The following NCK2 variants were observed in gnomAD, a reference collection of about 807,000 sequenced individuals.
The protein encoded by NCK2 is cytoplasmic protein NCK2.
A neutral mutation model predicts 33.9 loss-of-function variants in NCK2; 16 were observed. The ratio of observed to expected loss-of-function variants is 0.47; its 90% CI spans 0.32 to 0.72. NCK2 has a LOEUF of 0.72. NCK2 is among the 30% of genes least tolerant of loss of function. The probability of loss-of-function intolerance (pLI) is 0.03; values close to 1 mark genes in which losing one functional copy is unlikely to be tolerated. For synonymous variants in NCK2, 273 were observed against 239.9 expected, an observed-to-expected ratio of 1.14 and a Z score of -1.27; for missense variants, 418 against 537.3, an observed-to-expected ratio of 0.78 and a Z score of 2.19.
chr2:105,871,246 G>A (rs758392083), intron 3 of NCK2, among the ~76,000 whole-genome samples: 45 of 151,946 alleles, frequency 3.0e-4, no homozygotes, highest in Non-Finnish European at 4.0e-4. Flanking sequence ...GAGGAGGATG[G>A]TGAGCTGAGC....
rs1054206077 is a variant in NCK2, at chr2:105,744,913, G to C, written c.-426G>C. The C allele has an allele frequency of 6.9e-6, 1 of 145,598 alleles. No individual in the cohort carries two copies. The highest frequency in any genetic ancestry group is 2.5e-5 in the African/African-American group (1 of 40,676). 9.0% of individuals were successfully genotyped at this position (145,598 alleles called of 1,614,324 possible). ...GCCGCCGCTGCCGCGGGGATCGTCA[G>C]GCCGGAGCCGCGCGGCCGAGCGGGC... On this transcript the variant is annotated 5_prime_UTR_variant, in exon 1 of 5. Coordinates refer to ENST00000233154, the MANE Select transcript of NCK2 (RefSeq NM_003581.5).
Position 105,767,946 on chromosome 2 carries a change from T to G in NCK2, c.-201+22808T>G, listed in dbSNP as rs567976847. Among the ~76,000 whole-genome samples the G allele has an allele frequency of 2.0e-5, 3 of 152,270 alleles. No homozygotes were observed. In the South Asian group the frequency reaches 6.2e-4, roughly 32 times the overall value. On this transcript the variant is annotated intron_variant, in intron 1 of 4. Coordinates refer to ENST00000233154, the MANE Select transcript of NCK2 (RefSeq NM_003581.5). ...CTCATCCTTAAGTAGTTGCTGTCTT[T>G]CTACATGTGAAAAATTTGAGACAAA...
At chr2:105,854,983 T>G (rs1039745901) in intron 2 of NCK2, 65 bp from the exon 3 acceptor site, 1 of 1,254,524 alleles carries the variant, frequency 8.0e-7, no homozygotes, top group African/African-American at 1.5e-5. Flanking sequence ...ATTTTTCAAG[T>G]TGGTGCAAAG....
rs183047548 is a variant in NCK2 at position 105,855,917 on chromosome 2, C to G, written c.226+628C>G. ...TGGCACGATCTTGCCTCACTGCAAG[C>G]TCCACCTCCTGGGTTCACACCATTC... On this transcript the variant is annotated intron_variant, in intron 3 of 4. Coordinates refer to ENST00000233154, the MANE Select transcript of NCK2 (RefSeq NM_003581.5). Among the ~76,000 whole-genome samples, 1,017 of 151,690 alleles carry G rather than the reference C, an allele frequency of 6.7e-3. 16 individuals carry two copies. The highest frequency in any genetic ancestry group is 0.023 in the African/African-American group (937 of 41,340).
In NCK2 at chr2:105,841,888, A is replaced by AC. The variant is rs1676661698; in HGVS notation, c.-16-13157dup. Among the ~76,000 whole-genome samples the AC allele has an allele frequency of 2.6e-5, 4 of 152,162 alleles. No individual in the cohort carries two copies. In the South Asian group the frequency reaches 8.3e-4, roughly 32 times the overall value. On this transcript the variant is annotated intron_variant, in intron 2 of 4. Coordinates refer to ENST00000233154, the MANE Select transcript of NCK2 (RefSeq NM_003581.5). ...GGATGGAAAAGAAAGATATTAATAG[A>AC]CCCTTCAGAGAGGGGAAGGGAGCTC...
intron 3 of NCK2, among the ~76,000 whole-genome samples, chr2:105,859,803 T>C (rs1042643167): frequency 1.3e-5 from 2 of 152,110 alleles, no homozygotes; most frequent in African/African-American, 4.8e-5. Flanking sequence ...ATTACAGTAC[T>C]CTGGAGGGAG....
chr2:105,812,967 G>A (rs1675345815), intron 1 of NCK2, among the ~76,000 whole-genome samples: 2 of 152,174 alleles, frequency 1.3e-5, no homozygotes. Context: ...CACCCAGGGT[G>A]GCAGATACCC....
chr2:105,890,625 A>G (rs1005250047), intron 4 of NCK2, among the ~76,000 whole-genome samples: 3 of 152,186 alleles, frequency 2.0e-5, no homozygotes, highest in Admixed American at 6.5e-5. Context: ...TATTTGGTCT[A>G]TTTGAGACAG....
intron 2 of NCK2, among the ~76,000 whole-genome samples, chr2:105,840,571 T>C (rs964069896): frequency 2.6e-4 from 39 of 152,294 alleles, no homozygotes; most frequent in Admixed American, 2.6e-3. Flanking sequence ...AGTCCCATAG[T>C]TTGGGGACTC....
intron 2 of NCK2, among the ~76,000 whole-genome samples, chr2:105,823,969 C>T (rs190782994): frequency 6.6e-6 from 1 of 152,100 alleles, no homozygotes; most frequent in South Asian, 2.1e-4. Context: ...GGAGCAGTCC[C>T]TGGCCGGCGT....
At chr2:105,789,859 G>A (rs2104421999) in intron 1 of NCK2, among the ~76,000 whole-genome samples, 1 of 152,292 alleles carries the variant, frequency 6.6e-6, no homozygotes, top group Middle Eastern at 3.4e-3. Flanking sequence ...AGGTGATGCT[G>A]GTGCTGGCCA....
chr2:105,861,499 G>A (rs1389411954), intron 3 of NCK2, among the ~76,000 whole-genome samples: 4 of 147,582 alleles, frequency 2.7e-5, no homozygotes, highest in African/African-American at 7.6e-5. Flanking sequence ...TATTGGTGCC[G>A]TTGAGGTTTT....
At chr2:105,844,538 G>A (rs1339309598) in intron 2 of NCK2, among the ~76,000 whole-genome samples, 1 of 149,202 alleles carries the variant, frequency 6.7e-6, no homozygotes, top group Non-Finnish European at 1.5e-5. Flanking sequence ...TGGCCAACAT[G>A]ATGAAACCCC....
At chr2:105,753,036 T>C (rs1281546277) in intron 1 of NCK2, among the ~76,000 whole-genome samples, 1 of 152,244 alleles carries the variant, frequency 6.6e-6, no homozygotes, top group Non-Finnish European at 1.5e-5. Flanking sequence ...AGGGAGGCAC[T>C]GAGGCTGCCA....
chr2:105,842,547 A>G (rs916631619), intron 2 of NCK2, among the ~76,000 whole-genome samples: 1 of 152,188 alleles, frequency 6.6e-6, no homozygotes, highest in African/African-American at 2.4e-5. Context: ...CTGCCCTGCT[A>G]TCAGAGTTGT....
In NCK2 at chr2:105,862,955, A is replaced by G. The variant is rs1319464635; in HGVS notation, c.226+7666A>G. Reference sequence around the variant, plus strand: ...CCTAAGTTTGGCATAAGCCTTTAAGAGGCCAGAAAGAATCATCGAGTATCT... The same window carrying G: ...CCTAAGTTTGGCATAAGCCTTTAAGGGGCCAGAAAGAATCATCGAGTATCT... On this transcript the variant is annotated intron_variant, in intron 3 of 4. Coordinates refer to ENST00000233154, the MANE Select transcript of NCK2 (RefSeq NM_003581.5). Among the ~76,000 whole-genome samples, 10 of 151,896 alleles carry G rather than the reference A, an allele frequency of 6.6e-5. 1 individual carries two copies. The East Asian group carries it at 1.5e-3, about 23-fold the overall frequency.
chr2:105,759,110 T>A (rs980402061), intron 1 of NCK2, among the ~76,000 whole-genome samples: 4 of 152,198 alleles, frequency 2.6e-5, no homozygotes, highest in Admixed American at 2.6e-4. Context: ...AGATCTGAGT[T>A]TGATAAAATT....
intron 1 of NCK2, among the ~76,000 whole-genome samples, chr2:105,770,876 A>G (rs1409825563): frequency 6.6e-6 from 1 of 152,166 alleles, no homozygotes; most frequent in East Asian, 1.9e-4. Flanking sequence ...GTGTTTGGCA[A>G]TTCTGATGTT....
At chr2:105,828,471 C>G (rs186606918) in intron 2 of NCK2, among the ~76,000 whole-genome samples, 1 of 152,130 alleles carries the variant, frequency 6.6e-6, no homozygotes, top group Admixed American at 6.6e-5. Context: ...GCACACTCAC[C>G]CACCGCAGAT....
Sources: allele counts gnomAD v4.1 joint callset (sites outside exome capture counted in the v4.1 genomes callset), GRCh38; gene constraint gnomAD v4.1.1; transcripts MANE v1.5; gene names NCBI Gene and HGNC (gene_info 2026-07-23, HGNC 2026-07-21).